The following ANAPC7 variants were observed in gnomAD, a reference collection of about 807,000 sequenced individuals.
ANAPC7 encodes the protein anaphase promoting complex subunit 7.
ANAPC7 carries 25 observed loss-of-function variants against 63.3 expected under a neutral mutation model. That is an observed-to-expected ratio of 0.39 (90% confidence interval 0.29 to 0.55). The LOEUF (loss-of-function observed/expected upper bound fraction) is 0.55, where lower values mean the gene tolerates loss of function less well. Ranked by LOEUF, ANAPC7 falls within the 20% of genes least tolerant of loss-of-function variation. The pLI, the probability that ANAPC7 is intolerant of heterozygous loss-of-function variation, is 0.57. For synonymous variants in ANAPC7, 241 were observed against 251.7 expected (o/e 0.96, Z 0.40); for missense variants, 516 against 691.7 (o/e 0.75, Z 2.85).
At chr12:110,374,656 A>G (rs889901370) in intron 10 of ANAPC7, among the ~76,000 whole-genome samples, 2 of 152,218 alleles carry the variant, frequency 1.3e-5, no homozygotes, top group African/African-American at 4.8e-5. Flanking sequence ...GTGGCAAACA[A>G]ACATTACCAG....
At chr12:110,377,894 A>G in intron 8 of ANAPC7, 8 of 1,139,780 alleles carry the variant, frequency 7.0e-6, no homozygotes, top group Non-Finnish European at 6.9e-6. Flanking sequence ...GCAGCATGTG[A>G]GCACCCCATC....
At chr12:110,389,391 GAC>G (rs1882907003) in intron 3 of ANAPC7, among the ~76,000 whole-genome samples, 1 of 151,720 alleles carries the variant, frequency 6.6e-6, no homozygotes, top group African/African-American at 2.4e-5. Flanking sequence ...GATACAGAAA[GAC>G]AGATAAAGAA....
intron 7 of ANAPC7, among the ~76,000 whole-genome samples, chr12:110,382,255 A>G (rs984716377): frequency 1.3e-5 from 2 of 151,050 alleles, no homozygotes; most frequent in Non-Finnish European, 2.9e-5. Flanking sequence ...TAAACAAAGG[A>G]GCATCTTCTG....
At position 110,403,677 on chromosome 12, in the gene ANAPC7, C is replaced by G. The variant is rs766767310; in HGVS notation, c.-50G>C. 4.5e-6 allele frequency: 7 copies of G among 1,557,162 alleles called. No individual in the cohort carries two copies. In the Admixed American group the frequency reaches 1.4e-4, roughly 30 times the overall value. On this transcript the variant is annotated 5_prime_UTR_variant, in exon 1 of 11. Coordinates refer to ENST00000455511, the MANE Select transcript of ANAPC7 (RefSeq NM_016238.3). ...CGGCGGCAGCACTGACTCGAAAAGC[C>G]GGTAGAGGATCCTTAGGGAAGACTC...
At chr12:110,382,496 T>TA (rs1566264542) in intron 7 of ANAPC7, among the ~76,000 whole-genome samples, 2 of 80,038 alleles carry the variant, frequency 2.5e-5, no homozygotes, top group Admixed American at 1.3e-4. Context: ...ATATATATAT[T>TA]TATAGAGACA....
chr12:110,396,834 C>A (rs1195788967), intron 1 of ANAPC7, among the ~76,000 whole-genome samples: 1 of 151,576 alleles, frequency 6.6e-6, no homozygotes, highest in Non-Finnish European at 1.5e-5. Context: ...TTTTAACAGT[C>A]TGAGATATAT....
At position 110,388,028 on chromosome 12, in the gene ANAPC7, C is replaced by T. The variant is rs888822948; in HGVS notation, c.521-136G>A. 2.1e-5 allele frequency: 19 copies of T among 905,444 alleles called. No individual in the cohort carries two copies. The African/African-American group carries it at 2.7e-4, about 13-fold the overall frequency. 56.1% of individuals were successfully genotyped at this position (905,444 alleles called of 1,614,324 possible). ...TCTGAGCGATGCATGAGAGAAAAAC[C>T]ATAATTTAGTATTTCTTTTCTTTTT... On this transcript the variant is annotated intron_variant, in intron 4 of 10. Coordinates refer to ENST00000455511, the MANE Select transcript of ANAPC7 (RefSeq NM_016238.3).
At chr12:110,376,350 C>A (rs1467591194) in intron 9 of ANAPC7, 134 bp from the exon 10 acceptor site, 11 of 947,086 alleles carry the variant, frequency 1.2e-5, no homozygotes, top group Non-Finnish European at 1.4e-5. Flanking sequence ...ACCTGAAGCC[C>A]TATTCAGTTA....
chr12:110,396,446 T>C lies in ANAPC7; in HGVS notation c.108A>G (p.Leu36=). Residue 36 remains leucine, a synonymous_variant, in exon 2 of 11, where the codon TTA becomes TTG. Coordinates refer to ENST00000455511, the MANE Select transcript of ANAPC7 (RefSeq NM_016238.3). The part of the protein sequence containing the change: ...LLTMSNNNPE[L]FSPPQKYQLL... ...GCTGGTACTTCTGAGGTGGGGAGAA[T>C]AACTCACTAGAAAACAAGAGAAAAT... 6.2e-7 allele frequency: 1 copy of C among 1,600,406 alleles called. No individual in the cohort carries two copies. Among genetic ancestry groups the C allele is most frequent in the Non-Finnish European group, 8.5e-7 (1 of 1,175,704 alleles).
chr12:110,390,035 T>C (rs539303525), intron 3 of ANAPC7, among the ~76,000 whole-genome samples: 199 of 152,284 alleles, frequency 1.3e-3, no homozygotes, highest in African/African-American at 4.6e-3. Context: ...ACCTTCCTAA[T>C]AGTACACAGA....
At chr12:110,399,695 C>T (rs765722574) in intron 1 of ANAPC7, among the ~76,000 whole-genome samples, 1 of 150,608 alleles carries the variant, frequency 6.6e-6, no homozygotes, top group Admixed American at 6.7e-5. Context: ...GAGGCTGAGG[C>T]AGGAGAATCG....
chr12:110,390,805 G>A (rs1883022818), intron 3 of ANAPC7, among the ~76,000 whole-genome samples: 1 of 152,168 alleles, frequency 6.6e-6, no homozygotes. Flanking sequence ...AACTATGACT[G>A]ATGGACTATC....
chr12:110,386,678 C>T (rs1882482045), intron 5 of ANAPC7: 1 of 481,216 alleles, frequency 2.1e-6, no homozygotes, highest in Admixed American at 3.8e-5. Flanking sequence ...CTCTCAGTAC[C>T]AACAAATAAC....
intron 6 of ANAPC7, among the ~76,000 whole-genome samples, chr12:110,383,888 A>AAAAAAAAAAAG (rs542875476): frequency 2.3e-5 from 3 of 131,942 alleles, no homozygotes; most frequent in East Asian, 2.3e-4. Context: ...AAAAAAAAAA[A>AAAAAAAAAAAG]AAAAAAAAAA....
At chr12:110,382,452 AAAAAAAAAAATATAT>A (rs1467454979) in intron 7 of ANAPC7, among the ~76,000 whole-genome samples, 51 of 97,954 alleles carry the variant, frequency 5.2e-4, no homozygotes, top group African/African-American at 2.0e-3. Context: ...AAAAAAAAAA[AAAAAAAAAAATATAT>A]ATATATATAT....
At chr12:110,376,838 C>T (rs1472367861) in intron 9 of ANAPC7, among the ~76,000 whole-genome samples, 1 of 151,616 alleles carries the variant, frequency 6.6e-6, no homozygotes, top group African/African-American at 2.4e-5. Context: ...AACAGTGAGC[C>T]GAGGCTGGGC....
At chr12:110,394,155 A>AACAG (rs1319407394) in intron 3 of ANAPC7, among the ~76,000 whole-genome samples, 1 of 151,758 alleles carries the variant, frequency 6.6e-6, no homozygotes, top group African/African-American at 2.4e-5. Context: ...CAGCCTGGGC[A>AACAG]ACAGAGCAAG....
At chr12:110,386,937 T>C (rs1372675265) in intron 5 of ANAPC7, 2 of 153,064 alleles carry the variant, frequency 1.3e-5, no homozygotes, top group Admixed American at 1.3e-4. Flanking sequence ...GGCTGAAGAA[T>C]GATACACCAA....
chr12:110,380,102 G>C (rs1046264803), intron 8 of ANAPC7, among the ~76,000 whole-genome samples: 1 of 152,200 alleles, frequency 6.6e-6, no homozygotes, highest in African/African-American at 2.4e-5. Flanking sequence ...TGTAATCCCA[G>C]CACTTTAGGA....
Sources: allele counts gnomAD v4.1 joint callset (sites outside exome capture counted in the v4.1 genomes callset), GRCh38; gene constraint gnomAD v4.1.1; transcripts MANE v1.5; gene names NCBI Gene and HGNC (gene_info 2026-07-23, HGNC 2026-07-21).